The following TBCK variants were observed in gnomAD, a reference collection of about 807,000 sequenced individuals.
TBCK encodes TBC domain-containing protein kinase-like protein.
Under a neutral mutation model 113.4 loss-of-function variants are expected in TBCK, and 99 were observed. That is an observed-to-expected ratio of 0.87 (90% CI 0.74 to 1.03). The LOEUF is 1.03. Among genes scored for constraint, TBCK ranks in the 50% least tolerant of loss-of-function variants. TBCK has a pLI of 0.00. For missense variants in TBCK, 1,045 were observed against 1,061.3 expected (o/e 0.98, Z 0.21); for synonymous variants, 369 against 370.8 (o/e 1.00, Z 0.05).
At position 106,251,976 on chromosome 4, in the gene TBCK, C is replaced by T; in HGVS notation, c.487G>A (p.Ala163Thr). The change falls in exon 6 of 26, where the codon GCA (alanine) becomes ACA (threonine). Residue 163 changes from alanine to threonine, a missense_variant. By Grantham distance (58) the Ala-to-Thr change is moderately conservative. Transcript: ENST00000394708. ...YPSYLAPEVI[A>T]QGIFKTTDHM... The stretch of plus-strand genomic sequence containing the variant: ...TCAGTGGTTTTGAAAATTCCCTGTG[C>T]AATTACCTCAGGGGCCAAGTACGAG... 1 of 1,610,774 alleles carries T rather than the reference C, an allele frequency of 6.2e-7. No individual in the cohort carries two copies. Among genetic ancestry groups the T allele is most frequent in the Non-Finnish European group, 8.5e-7 (1 of 1,178,098 alleles).
intron 2 of TBCK, among the ~76,000 whole-genome samples, chr4:106,298,365 G>A (rs1766535144): frequency 6.6e-6 from 1 of 151,766 alleles, no homozygotes; most frequent in South Asian, 2.1e-4. Context: ...TGTAATCCCA[G>A]CACTTTGGGA....
At chr4:106,115,745 A>T (rs1425183758) in intron 24 of TBCK, among the ~76,000 whole-genome samples, 1 of 152,204 alleles carries the variant, frequency 6.6e-6, no homozygotes, top group Non-Finnish European at 1.5e-5. Context: ...TTCGTAAATA[A>T]CATTTTGTAG....
At chr4:106,215,212 G>A (rs1311384097) in intron 19 of TBCK, among the ~76,000 whole-genome samples, 3 of 151,996 alleles carry the variant, frequency 2.0e-5, no homozygotes, top group Non-Finnish European at 2.9e-5. Flanking sequence ...GCTCCTGAAG[G>A]AAGCAGTAAA....
chr4:106,268,184 G>A lies in TBCK; in HGVS notation c.267-5972C>T, dbSNP rs1461575727. ...CATCATTCTTTATTCTGACAGATAT[G>A]GTTTGCCATTTCAATAATTTTTTGC... On this transcript the variant is annotated intron_variant, in intron 3 of 25. Coordinates refer to ENST00000394708, the MANE Select transcript of TBCK (RefSeq NM_001163435.3). 6.6e-5 allele frequency among the ~76,000 whole-genome samples: 10 copies of A among 152,008 alleles called. No individual in the cohort carries two copies. The East Asian group carries it at 1.9e-3, about 29-fold the overall frequency.
At chr4:106,079,264 A>C (rs1738580352) in intron 25 of TBCK, among the ~76,000 whole-genome samples, 1 of 152,214 alleles carries the variant, frequency 6.6e-6, no homozygotes, top group Non-Finnish European at 1.5e-5. Flanking sequence ...AAACTGGAAC[A>C]AGACAAGGAT....
intron 23 of TBCK, among the ~76,000 whole-genome samples, chr4:106,118,343 C>T (rs890096348): frequency 1.3e-5 from 2 of 152,160 alleles, no homozygotes; most frequent in African/African-American, 2.4e-5. Flanking sequence ...TGGTAAAGCA[C>T]TTGTTCTCTT....
At chr4:106,082,742 A>C (rs1395681418) in intron 25 of TBCK, among the ~76,000 whole-genome samples, 3 of 152,184 alleles carry the variant, frequency 2.0e-5, no homozygotes, top group African/African-American at 7.2e-5. Flanking sequence ...AAGCCTGTGA[A>C]TCCTTCACTG....
At chr4:106,242,372 T>C (rs1760243041) in intron 12 of TBCK, 98 bp downstream of exon 12, 1 of 723,342 alleles carries the variant, frequency 1.4e-6, no homozygotes, top group Non-Finnish European at 2.1e-6. Context: ...CTCCCATATT[T>C]TGTGAAATCA....
At chr4:106,186,110 A>G (rs1241208017) in intron 22 of TBCK, among the ~76,000 whole-genome samples, 1 of 151,982 alleles carries the variant, frequency 6.6e-6, no homozygotes, top group Admixed American at 6.6e-5. Flanking sequence ...ATGTATCACA[A>G]TTTTCTTTAT....
intron 12 of TBCK, among the ~76,000 whole-genome samples, 172 bp downstream of exon 12, chr4:106,242,298 C>T (rs538544684): frequency 6.6e-6 from 1 of 151,992 alleles, no homozygotes; most frequent in African/African-American, 2.4e-5. Flanking sequence ...TGTGAACAAT[C>T]AGGTAATAAA....
At chr4:106,250,528 T>C (rs750249756) in intron 6 of TBCK, 50 bp from the exon 7 acceptor site, 3 of 1,115,648 alleles carry the variant, frequency 2.7e-6, no homozygotes, top group Non-Finnish European at 3.9e-6. Context: ...ATGTTTTTTC[T>C]AGGAAGGCAT....
At chr4:106,310,599 G>A (rs1768094920) in intron 1 of TBCK, 1 of 152,214 alleles carries the variant, frequency 6.6e-6, no homozygotes, top group South Asian at 2.1e-4. Context: ...GGTGAGAAGA[G>A]CAAACTCCTC....
At chr4:106,293,607 A>G (rs1765955367) in intron 3 of TBCK, among the ~76,000 whole-genome samples, 1 of 152,200 alleles carries the variant, frequency 6.6e-6, no homozygotes, top group South Asian at 2.1e-4. Context: ...GACTGCTGGT[A>G]TATACATGAT....
Position 106,229,661 on chromosome 4 carries a change from G to C in TBCK, c.1774+702C>G, listed in dbSNP as rs187710276. Among the ~76,000 whole-genome samples the C allele has an allele frequency of 5.8e-4, 88 of 152,132 alleles. 3 individuals carry two copies. The highest frequency in any genetic ancestry group is 1.6e-3 in the Admixed American group (25 of 15,270). On this transcript the variant is annotated intron_variant, in intron 19 of 25. Coordinates refer to ENST00000394708, the MANE Select transcript of TBCK (RefSeq NM_001163435.3). The stretch of plus-strand genomic sequence containing the variant: ...TTACTATAGCTCTGTAGTATAATTT[G>C]AAGTCAGATAATGTGATTCCTCCAG...
chr4:106,282,603 A>G (rs1052340713), intron 3 of TBCK, among the ~76,000 whole-genome samples: 1 of 151,772 alleles, frequency 6.6e-6, no homozygotes, highest in Non-Finnish European at 1.5e-5. Flanking sequence ...TTGTGTTTTC[A>G]TTATCCATTC....
At chr4:106,106,325 T>C (rs1024247316) in intron 24 of TBCK, among the ~76,000 whole-genome samples, 1 of 152,088 alleles carries the variant, frequency 6.6e-6, no homozygotes, top group East Asian at 1.9e-4. Context: ...AGATCATACA[T>C]GAGACACATA....
chr4:106,077,905 TAAAG>T (rs1053972930), intron 25 of TBCK, among the ~76,000 whole-genome samples: 3 of 152,120 alleles, frequency 2.0e-5, no homozygotes, highest in Admixed American at 1.3e-4. Flanking sequence ...TGCTAAACCA[TAAAG>T]AAAGTTTCAA....
intron 3 of TBCK, among the ~76,000 whole-genome samples, chr4:106,266,880 T>A (rs548977234): frequency 1.3e-5 from 2 of 151,934 alleles, no homozygotes; most frequent in Non-Finnish European, 2.9e-5. Context: ...ATGAAATTTT[T>A]TAAGTAGCTA....
intron 15 of TBCK, among the ~76,000 whole-genome samples, chr4:106,234,146 T>C (rs1223678957): frequency 6.6e-6 from 1 of 152,146 alleles, no homozygotes; most frequent in East Asian, 1.9e-4. Flanking sequence ...TCTGGCTTAT[T>C]ATCATGGTAG....
Sources: gnomAD v4.1 joint callset for allele counts (sites outside exome capture counted in the v4.1 genomes callset) on GRCh38, gnomAD v4.1.1 for gene constraint, MANE v1.5 for transcripts, NCBI Gene and HGNC (gene_info 2026-07-23, HGNC 2026-07-21) for gene names.